Variants in PCDHGA1 observed in about 807,000 individuals in gnomAD.
PCDHGA1 encodes the protein protocadherin gamma-A1.
In PCDHGA1, 32 loss-of-function variants were observed where a neutral mutation model predicts 58.0. The ratio of observed to expected loss-of-function variants is 0.55; its 90% CI spans 0.42 to 0.74. The LOEUF is 0.74. Ranked by LOEUF, PCDHGA1 falls within the 30% of genes least tolerant of loss-of-function variation. PCDHGA1 has a pLI of 0.00. For synonymous variants in PCDHGA1, 498 were observed against 501.1 expected, an observed-to-expected ratio of 0.99 and a Z score of 0.08; for missense variants, 1,205 against 1,182.3, an observed-to-expected ratio of 1.02 and a Z score of -0.28.
intron 1 of PCDHGA1, chr5:141,351,452 T>G (rs773093341): frequency 1.2e-6 from 2 of 1,613,112 alleles, no homozygotes; most frequent in African/African-American, 2.7e-5. Flanking sequence ...GAAGAATTAT[T>G]ACAAGCTGGT....
At chr5:141,421,828 C>T in intron 1 of PCDHGA1, 1 of 1,613,796 alleles carries the variant, frequency 6.2e-7, no homozygotes, top group Non-Finnish European at 8.5e-7. Context: ...GGAGGGAAGC[C>T]TGGACCGAGA....
Position 141,431,592 on chromosome 5 carries a change from G to A in PCDHGA1, c.2422-63215G>A, listed in dbSNP as rs1429358254. 2.5e-6 allele frequency: 4 copies of A among 1,614,100 alleles called. No individual in the cohort carries two copies. The Admixed American group carries it at 6.7e-5, about 27-fold the overall frequency. The stretch of plus-strand genomic sequence containing the variant: ...GACGAAGGAGTCAATGCGGAAGTGA[G>A]GTATTCCTTCCGGTATGTGGACGAC... On this transcript the variant is annotated intron_variant, in intron 1 of 3. Transcript: ENST00000517417. The surrounding 1 kb of genome is among the most constrained non-coding windows in gnomAD (Gnocchi z 4.8).
At position 141,432,778 on chromosome 5, in the gene PCDHGA1, G is replaced by T; in HGVS notation, c.2422-62029G>T. The T allele has an allele frequency of 3.7e-6, 6 of 1,614,166 alleles. No individual in the cohort carries two copies. Among genetic ancestry groups the T allele is most frequent in the Non-Finnish European group, 5.1e-6 (6 of 1,180,002 alleles). ...CCGACAGCATCCCCCAAGTCCTGGCGGACCTCGGCAGCCTCGAGTCTCCAG... is the reference window on the plus strand; with the variant it reads ...CCGACAGCATCCCCCAAGTCCTGGCTGACCTCGGCAGCCTCGAGTCTCCAG... On this transcript the variant is annotated intron_variant, in intron 1 of 3. Transcript: ENST00000517417. The surrounding 1 kb of genome is among the most constrained non-coding windows in gnomAD (Gnocchi z 6.0).
intron 3 of PCDHGA1, 154 bp from the exon 4 acceptor site, chr5:141,510,793 G>A: frequency 1.1e-6 from 1 of 935,078 alleles, no homozygotes; most frequent in Non-Finnish European, 1.3e-6. Context: ...CTCTTGTGAA[G>A]AGAGACTACC....
In PCDHGA1 at chr5:141,375,116, C is replaced by G. The variant is rs754682469; in HGVS notation, c.2421+42011C>G. On this transcript the variant is annotated intron_variant, in intron 1 of 3. Coordinates refer to ENST00000517417, the MANE Select transcript of PCDHGA1 (RefSeq NM_018912.3). ...TATCTTGGATGTCAATGATAATGTA[C>G]CAGAAGTGGTTGTTACATCTGGAAG... 4 of 1,613,768 alleles carry G rather than the reference C, an allele frequency of 2.5e-6. No individual in the cohort carries two copies. The highest frequency in any genetic ancestry group is 3.4e-6 in the Non-Finnish European group (4 of 1,179,904).
At chr5:141,508,017 G>C (rs2099865601) in intron 3 of PCDHGA1, 1 of 152,310 alleles carries the variant, frequency 6.6e-6, no homozygotes, top group Non-Finnish European at 1.5e-5. Context: ...TCTCAAGGAG[G>C]CTGCGGTTTG....
At chr5:141,366,777 G>T in intron 1 of PCDHGA1, 1 of 1,587,140 alleles carries the variant, frequency 6.3e-7, no homozygotes, top group South Asian at 1.1e-5. Flanking sequence ...CGGTAAGGAT[G>T]ACCAGAACAT....
chr5:141,331,740 C>T lies in PCDHGA1; in HGVS notation c.1056C>T (p.Val352=). 6.2e-7 allele frequency: 1 copy of T among 1,614,084 alleles called. No individual in the cohort carries two copies. The highest frequency in any genetic ancestry group is 8.5e-7 in the Non-Finnish European group (1 of 1,180,000). Residue 352 remains valine, a synonymous_variant, in exon 1 of 4, where the codon GTC becomes GTT. Transcript: ENST00000517417. The part of the protein sequence containing the change: ...DNAPEVTITS[V]TTAVPENFPP... ...CCCCAGAAGTGACCATCACCTCTGT[C>T]ACCACTGCAGTTCCAGAAAACTTTC...
intron 2 of PCDHGA1, among the ~76,000 whole-genome samples, chr5:141,503,324 C>T (rs1389385473): frequency 7.9e-5 from 12 of 152,014 alleles, no homozygotes; most frequent in South Asian, 2.1e-4. Context: ...TGGAGGGGCG[C>T]GGTGGCTCAC....
At chr5:141,385,050 G>C in intron 1 of PCDHGA1, 1 of 1,614,164 alleles carries the variant, frequency 6.2e-7, no homozygotes, top group Non-Finnish European at 8.5e-7. Flanking sequence ...TCAGGCTGCG[G>C]CGCTGGCACA....
chr5:141,435,334 T>A (rs1223377462), intron 1 of PCDHGA1, among the ~76,000 whole-genome samples: 1 of 152,196 alleles, frequency 6.6e-6, no homozygotes, highest in African/African-American at 2.4e-5. Flanking sequence ...ATATAGTGAA[T>A]TTATTTCTTC....
At chr5:141,346,983 A>G (rs931121995) in intron 1 of PCDHGA1, among the ~76,000 whole-genome samples, 12 of 151,378 alleles carry the variant, frequency 7.9e-5, no homozygotes, top group African/African-American at 2.9e-4. Flanking sequence ...GACAGGTGAC[A>G]CTCTTTTTTT....
At chr5:141,345,824 C>T (rs758177032) in intron 1 of PCDHGA1, 2 of 1,613,632 alleles carry the variant, frequency 1.2e-6, no homozygotes, top group African/African-American at 2.7e-5. Flanking sequence ...TGGACAGAGA[C>T]TCGGGCCAGA....
chr5:141,350,207 A>G (rs1254490448), intron 1 of PCDHGA1: 2 of 1,474,560 alleles, frequency 1.4e-6, no homozygotes, highest in African/African-American at 2.8e-5. Context: ...GGGTGCTGCC[A>G]TTTCTTTTTG....
chr5:141,360,623 G>A, intron 1 of PCDHGA1: 1 of 1,613,970 alleles, frequency 6.2e-7, no homozygotes, highest in African/African-American at 1.3e-5. Flanking sequence ...TCAGATGTTG[G>A]TCCTAACTCA....
intron 1 of PCDHGA1, chr5:141,428,680 G>T: frequency 6.1e-6 from 1 of 162,778 alleles, no homozygotes; most frequent in Admixed American, 5.8e-5. Context: ...ATTTACAAAT[G>T]GATGAGGTTT....
At position 141,362,242 on chromosome 5, in the gene PCDHGA1, T is replaced by C. The variant is rs759010180; in HGVS notation, c.2421+29137T>C. 12 of 1,613,924 alleles carry C rather than the reference T, an allele frequency of 7.4e-6. No homozygotes were observed. The South Asian group carries it at 8.8e-5, about 12-fold the overall frequency. On this transcript the variant is annotated intron_variant, in intron 1 of 3. Transcript: ENST00000517417. ...GGCCTTGGCCTTGATCTCAGTGCTC[T>C]TCTTCCTCGCGGTGATTCTGGCAAT... is the stretch of plus-strand genomic sequence containing the variant.
chr5:141,459,503 A>T (rs1346447458), intron 1 of PCDHGA1, among the ~76,000 whole-genome samples: 1 of 152,242 alleles, frequency 6.6e-6, no homozygotes, highest in Non-Finnish European at 1.5e-5. Flanking sequence ...AGTGATGTGA[A>T]CAATCATGTA....
At chr5:141,420,018 G>A (rs2096458708) in intron 1 of PCDHGA1, 2 of 1,613,948 alleles carry the variant, frequency 1.2e-6, no homozygotes, top group African/African-American at 1.3e-5. Flanking sequence ...CAGTCTTTCA[G>A]CCCTACTGCA....
Sources: gnomAD v4.1 joint callset for allele counts (sites outside exome capture counted in the v4.1 genomes callset) on GRCh38, gnomAD v4.1.1 for gene constraint, Gnocchi (gnomAD v3.1) non-coding constraint, MANE v1.5 for transcripts, NCBI Gene and HGNC (gene_info 2026-07-23, HGNC 2026-07-21) for gene names.